Variants in XKR4 observed in about 807,000 individuals in gnomAD.
XKR4 encodes the protein XK related 4.
Under a neutral mutation model 53.9 loss-of-function variants are expected in XKR4, and 12 were observed. The observed-to-expected ratio is 0.22, with a 90% CI of 0.14 to 0.36. The LOEUF is 0.36. Ranked by LOEUF, XKR4 falls within the 10% of genes least tolerant of loss-of-function variation. The pLI is 1.00. For missense variants in XKR4, 799 were observed against 859.5 expected (o/e 0.93, Z 0.88); for synonymous variants, 354 against 362.4 (o/e 0.98, Z 0.26).
rs59294452 is a variant in XKR4 at position 55,462,893 on chromosome 8, G to C, written c.1007-60388G>C. Among the ~76,000 whole-genome samples the C allele has an allele frequency of 3.6e-3, 552 of 152,250 alleles. 4 individuals carry two copies. Among genetic ancestry groups the C allele is most frequent in the African/African-American group, 0.012 (517 of 41,540 alleles). On this transcript the variant is annotated intron_variant, in intron 2 of 2. Transcript: ENST00000327381. ...GAGACAAAGAAGGCCATTACATAAT[G>C]GTAAAGGGATCAATTCAAAAAGAAG...
At chr8:55,278,648 T>C (rs1385432437) in intron 1 of XKR4, among the ~76,000 whole-genome samples, 1 of 152,184 alleles carries the variant, frequency 6.6e-6, no homozygotes, top group Admixed American at 6.5e-5. Flanking sequence ...TACAATAGAT[T>C]ACATATAATA....
At chr8:55,422,149 A>G (rs1804944459) in intron 2 of XKR4, among the ~76,000 whole-genome samples, 1 of 152,234 alleles carries the variant, frequency 6.6e-6, no homozygotes, top group Non-Finnish European at 1.5e-5. Context: ...TTTTCAATTC[A>G]TAAATAAAAT....
At chr8:55,284,804 A>T (rs1818885566) in intron 1 of XKR4, among the ~76,000 whole-genome samples, 1 of 152,182 alleles carries the variant, frequency 6.6e-6, no homozygotes, top group Admixed American at 6.5e-5. Context: ...CTTCTGAGGG[A>T]GGATTGCCAA....
chr8:55,372,936 GA>G (rs1804088373), intron 2 of XKR4, among the ~76,000 whole-genome samples: 2 of 152,192 alleles, frequency 1.3e-5, no homozygotes, highest in Admixed American at 1.3e-4. Context: ...GGTTGGGAAG[GA>G]GAAGCTGATT....
intron 2 of XKR4, among the ~76,000 whole-genome samples, chr8:55,381,195 A>G (rs1804227127): frequency 6.6e-6 from 1 of 152,190 alleles, no homozygotes; most frequent in Non-Finnish European, 1.5e-5. Context: ...ATTAAATATG[A>G]TGTATTTCAG....
chr8:55,308,007 C>A (rs1163274291), intron 1 of XKR4, among the ~76,000 whole-genome samples: 1 of 152,150 alleles, frequency 6.6e-6, no homozygotes, highest in Non-Finnish European at 1.5e-5. Context: ...GTAATCCCAG[C>A]ACTTTGGGAG....
intron 1 of XKR4, among the ~76,000 whole-genome samples, chr8:55,111,126 T>C (rs1037576261): frequency 1.3e-5 from 2 of 152,134 alleles, no homozygotes; most frequent in African/African-American, 4.8e-5. Flanking sequence ...AAGAAATGAT[T>C]TGGTCTCCAA....
intron 2 of XKR4, among the ~76,000 whole-genome samples, chr8:55,410,519 C>T (rs1444043053): frequency 6.6e-6 from 1 of 152,228 alleles, no homozygotes; most frequent in Non-Finnish European, 1.5e-5. Flanking sequence ...GACAGACGCT[C>T]CACCAGCCTC....
chr8:55,169,906 G>A (rs1446814570), intron 1 of XKR4, among the ~76,000 whole-genome samples: 4 of 152,148 alleles, frequency 2.6e-5, no homozygotes, highest in Admixed American at 2.0e-4. Context: ...ATTGATTCTT[G>A]TAAGAATAAC....
intron 1 of XKR4, among the ~76,000 whole-genome samples, chr8:55,249,135 T>A (rs995973115): frequency 1.4e-4 from 22 of 152,224 alleles, no homozygotes; most frequent in African/African-American, 4.8e-4. Flanking sequence ...TATAGCAAAA[T>A]GAAGCCCTCT....
intron 1 of XKR4, among the ~76,000 whole-genome samples, chr8:55,209,916 G>C (rs576181242): frequency 6.6e-6 from 1 of 152,076 alleles, no homozygotes; most frequent in Non-Finnish European, 1.5e-5. Flanking sequence ...ATGAGTCCAA[G>C]TATTTGGGGC....
chr8:55,484,596 T>C (rs1806166064), intron 2 of XKR4, among the ~76,000 whole-genome samples: 1 of 152,250 alleles, frequency 6.6e-6, no homozygotes, highest in Non-Finnish European at 1.5e-5. Flanking sequence ...TAATTTTATG[T>C]GTCCACTTGA....
rs910931605 is a variant in XKR4, at chr8:55,408,048, T to A, written c.1006+50171T>A. The stretch of plus-strand genomic sequence containing the variant: ...TTTCTTGTCAGTGAGTGAAGACAGG[T>A]GGAGCGACATCCCAGTGCTGTTCCA... On this transcript the variant is annotated intron_variant, in intron 2 of 2. Coordinates refer to ENST00000327381, the MANE Select transcript of XKR4 (RefSeq NM_052898.2). Among the ~76,000 whole-genome samples the A allele has an allele frequency of 2.2e-4, 34 of 152,116 alleles. 2 individuals carry two copies. The highest frequency in any genetic ancestry group is 8.2e-4 in the African/African-American group (34 of 41,396).
chr8:55,162,880 A>C (rs1036367966), intron 1 of XKR4, among the ~76,000 whole-genome samples: 1 of 152,224 alleles, frequency 6.6e-6, no homozygotes, highest in African/African-American at 2.4e-5. Flanking sequence ...ATTCTACAGA[A>C]TATCTGAATA....
intron 1 of XKR4, among the ~76,000 whole-genome samples, chr8:55,126,048 C>T (rs764136351): frequency 3.9e-5 from 6 of 152,086 alleles, no homozygotes; most frequent in Non-Finnish European, 7.4e-5. Context: ...TGGACACCCA[C>T]ACCAACTCAC....
At position 55,259,106 on chromosome 8, in the gene XKR4, G is replaced by T. The variant is rs143737946; in HGVS notation, c.807-98572G>T. ...CCATGTTCTACAACACAGTGCATGA[G>T]GTAAGAGAAGGTGAACTTCATACTG... On this transcript the variant is annotated intron_variant, in intron 1 of 2. Coordinates refer to ENST00000327381, the MANE Select transcript of XKR4 (RefSeq NM_052898.2). Among the ~76,000 whole-genome samples, 300 of 152,286 alleles carry T rather than the reference G, an allele frequency of 2.0e-3. 1 individual carries two copies. Among genetic ancestry groups the T allele is most frequent in the African/African-American group, 6.9e-3 (286 of 41,558 alleles).
At chr8:55,497,349 G>A (rs1334260295) in intron 2 of XKR4, among the ~76,000 whole-genome samples, 1 of 152,142 alleles carries the variant, frequency 6.6e-6, no homozygotes, top group Non-Finnish European at 1.5e-5. Flanking sequence ...TTTTTAATAT[G>A]TTTTTAAATG....
At chr8:55,127,940 A>C (rs541183565) in intron 1 of XKR4, among the ~76,000 whole-genome samples, 94 of 152,216 alleles carry the variant, frequency 6.2e-4, no homozygotes, top group African/African-American at 2.2e-3. Context: ...ATAGTATTCC[A>C]TGGTGTATAT....
chr8:55,481,276 A>C (rs1019021483), intron 2 of XKR4, among the ~76,000 whole-genome samples: 3 of 152,220 alleles, frequency 2.0e-5, no homozygotes, highest in Non-Finnish European at 1.5e-5. Flanking sequence ...GACAAACCTG[A>C]GAAAAACAAG....
Sources: gnomAD v4.1 joint callset for allele counts (sites outside exome capture counted in the v4.1 genomes callset) on GRCh38, gnomAD v4.1.1 for gene constraint, MANE v1.5 for transcripts, NCBI Gene and HGNC (gene_info 2026-07-23, HGNC 2026-07-21) for gene names.